Variants in VPS13C observed in about 807,000 individuals in gnomAD.
VPS13C encodes the protein intermembrane lipid transfer protein VPS13C.
Under a neutral mutation model 456.8 loss-of-function variants are expected in VPS13C, and 358 were observed. That is an observed-to-expected ratio of 0.78 (90% CI 0.72 to 0.86). The LOEUF (loss-of-function observed/expected upper bound fraction) is 0.86, where lower values mean the gene tolerates loss of function less well. Ranked by LOEUF, VPS13C falls within the 40% of genes least tolerant of loss-of-function variation. The probability of loss-of-function intolerance (pLI) is 0.00; values close to 1 mark genes in which losing one functional copy is unlikely to be tolerated. For missense variants in VPS13C, 4,818 were observed against 4,385.4 expected (o/e 1.10, Z -2.79); for synonymous variants, 1,578 against 1,486.7 (o/e 1.06, Z -1.41).
At chr15:61,863,781 T>G in intron 81 of VPS13C, 1 of 316,162 alleles carries the variant, frequency 3.2e-6, no homozygotes. Flanking sequence ...TACATTTTGT[T>G]CTGTAGTAAC....
chr15:61,921,807 A>G, intron 55 of VPS13C, 140 bp downstream of exon 55: 1 of 705,532 alleles, frequency 1.4e-6, no homozygotes, highest in Non-Finnish European at 2.3e-6. Flanking sequence ...TGACATATGA[A>G]AAGAGTTCTG....
At chr15:61,890,550 T>C (rs1266437138) in intron 66 of VPS13C, 150 bp from the exon 67 acceptor site, 10 of 705,386 alleles carry the variant, frequency 1.4e-5, no homozygotes, top group East Asian at 8.2e-5. Flanking sequence ...AATTAAGCTA[T>C]AATCTATTTT....
intron 29 of VPS13C, among the ~76,000 whole-genome samples, chr15:61,966,867 A>C (rs1344601): frequency 6.6e-6 from 1 of 151,712 alleles, no homozygotes; most frequent in African/African-American, 2.4e-5. Context: ...AGACATCCAA[A>C]AACACATCCA....
intron 45 of VPS13C, among the ~76,000 whole-genome samples, chr15:61,944,619 C>T (rs2044543583): frequency 6.6e-6 from 1 of 151,958 alleles, no homozygotes; most frequent in Non-Finnish European, 1.5e-5. Flanking sequence ...GAAAAAAAGA[C>T]ACTGCGGACT....
Position 61,936,750 on chromosome 15 carries a change from C to T in VPS13C, c.5602G>A (p.Val1868Ile). Residue 1868 changes from valine to isoleucine, a missense_variant and splice_region_variant, in exon 48 of 85, where the codon GTT becomes ATT. Val to Ile is a conservative substitution (Grantham distance 29). Transcript: ENST00000644861. ...EIKGKLKPMQVALSEDDLTVL... is the reference protein window; with the variant it reads ...EIKGKLKPMQIALSEDDLTVL... ...GTCAAGTCATCTTCACTGAGAGCAA[C>T]CTAGAAACCACCAATAATTTGTTAA... The T allele has an allele frequency of 6.3e-7, 1 of 1,597,984 alleles. No homozygotes were observed. The highest frequency in any genetic ancestry group is 8.5e-7 in the Non-Finnish European group (1 of 1,175,336).
At chr15:61,916,882 C>T (rs191818273) in intron 60 of VPS13C, among the ~76,000 whole-genome samples, 1 of 152,124 alleles carries the variant, frequency 6.6e-6, no homozygotes, top group African/African-American at 2.4e-5. Flanking sequence ...AATATTTTCT[C>T]ATTTTTTCCT....
intron 8 of VPS13C, among the ~76,000 whole-genome samples, chr15:62,023,203 G>A (rs967871576): frequency 6.6e-6 from 1 of 151,782 alleles, no homozygotes; most frequent in South Asian, 2.1e-4. Context: ...ATCAGCTTCA[G>A]AAAGGAACAC....
chr15:62,010,617 G>T lies in VPS13C; in HGVS notation c.884-18C>A, dbSNP rs2140506334. On this transcript the variant is annotated intron_variant, in intron 12 of 84. Transcript: ENST00000644861. ...CTGGAAAACTTACATCACATGGGAAGACATAAGATATGTTCATATGCTTTT... is the reference window on the plus strand; with the variant it reads ...CTGGAAAACTTACATCACATGGGAATACATAAGATATGTTCATATGCTTTT... 1.9e-6 allele frequency: 3 copies of T among 1,604,468 alleles called. No individual in the cohort carries two copies. The highest frequency in any genetic ancestry group is 3.4e-5 in the Admixed American group (2 of 58,132).
chr15:61,947,908 G>A (rs2044660609), intron 42 of VPS13C, among the ~76,000 whole-genome samples: 1 of 152,154 alleles, frequency 6.6e-6, no homozygotes. Flanking sequence ...GCACGCAGGT[G>A]TATGTGTGCA....
chr15:61,982,752 A>G (rs1192398101), intron 20 of VPS13C, among the ~76,000 whole-genome samples, 179 bp from the exon 21 acceptor site: 3 of 152,202 alleles, frequency 2.0e-5, no homozygotes, highest in Non-Finnish European at 4.4e-5. Context: ...GAAGAGCCTA[A>G]GCAAGCTTAC....
In VPS13C at chr15:62,023,767, T is replaced by C. The variant is rs368557387; in HGVS notation, c.514+13A>G. The C allele has an allele frequency of 5.6e-6, 9 of 1,605,680 alleles. No individual in the cohort carries two copies. Among genetic ancestry groups the C allele is most frequent in the Non-Finnish European group, 7.7e-6 (9 of 1,174,664 alleles). On this transcript the variant is annotated intron_variant, in intron 7 of 84. Coordinates refer to ENST00000644861, the MANE Select transcript of VPS13C (RefSeq NM_020821.3). ...TATAAACAACACCATGGCATAAAAC[T>C]ACTTTTACCTACCTTTTGAACGATC...
At position 61,874,077 on chromosome 15, in the gene VPS13C, C is replaced by T. The variant is rs138507345; in HGVS notation, c.10415-668G>A. 9.2e-3 allele frequency among the ~76,000 whole-genome samples: 1,402 copies of T among 151,918 alleles called. 43 individuals are homozygous for T. Among genetic ancestry groups the T allele is most frequent in the Non-Finnish European group, 8.1e-3 (549 of 67,934 alleles). On this transcript the variant is annotated intron_variant, in intron 77 of 84. Coordinates refer to ENST00000644861, the MANE Select transcript of VPS13C (RefSeq NM_020821.3). ...ATTATGTTAAGTGAAATAAGTCTGG[C>T]ACAGAAAAACAAATACTGCATGTTC... is the stretch of plus-strand genomic sequence containing the variant.
At chr15:61,890,123 C>T (rs1203205174) in intron 67 of VPS13C, 42 bp downstream of exon 67, 1 of 1,584,636 alleles carries the variant, frequency 6.3e-7, no homozygotes, top group Non-Finnish European at 8.6e-7. Context: ...GAACTTAATG[C>T]CTTTTAAAGG....
At chr15:62,034,351 T>C (rs2047914375) in intron 4 of VPS13C, among the ~76,000 whole-genome samples, 1 of 151,726 alleles carries the variant, frequency 6.6e-6, no homozygotes, top group Non-Finnish European at 1.5e-5. Flanking sequence ...ATTTTATTTG[T>C]ACAATGGTTA....
At position 62,041,332 on chromosome 15, in the gene VPS13C, C is replaced by T; in HGVS notation, c.179G>A (p.Gly60Asp). ...ELDVPFKVKA[G>D]QIDKLTLKIP... ...AAGACTAAAGTACTTACCAATTTGG[C>T]CAGCCTTGACTTTAAAAGGAACATC... Residue 60 changes from glycine (G) to aspartate (D), a missense_variant, in exon 3 of 85, where the codon GGC becomes GAC. Gly to Asp is a moderately conservative substitution (Grantham distance 94). Transcript: ENST00000644861. 1 of 1,606,328 alleles carries T rather than the reference C, an allele frequency of 6.2e-7. No individual in the cohort carries two copies. The highest frequency in any genetic ancestry group is 8.5e-7 in the Non-Finnish European group (1 of 1,177,956).
At chr15:61,941,438 CA>C (rs2044421851) in intron 46 of VPS13C, among the ~76,000 whole-genome samples, 1 of 151,196 alleles carries the variant, frequency 6.6e-6, no homozygotes, top group Non-Finnish European at 1.5e-5. Flanking sequence ...TTTTTCCCAC[CA>C]AAAATAAAAA....
intron 5 of VPS13C, among the ~76,000 whole-genome samples, chr15:62,031,759 G>C (rs2047828219): frequency 6.6e-6 from 1 of 151,876 alleles, no homozygotes; most frequent in African/African-American, 2.4e-5. Flanking sequence ...TACTACAGAT[G>C]TACATCCTTT....
chr15:61,865,766 GTGTGTATATATGTA>G, intron 81 of VPS13C: 1 of 633,144 alleles, frequency 1.6e-6, no homozygotes, highest in Non-Finnish European at 1.9e-6. Context: ...ATATATGTAC[GTGTGTATATATGTA>G]TGTGTATATA....
chr15:61,911,458 C>T (rs904663429), intron 63 of VPS13C, among the ~76,000 whole-genome samples: 1 of 152,162 alleles, frequency 6.6e-6, no homozygotes, highest in Non-Finnish European at 1.5e-5. Flanking sequence ...CCACCTATAA[C>T]TTAGGATGTG....
Sources: allele counts gnomAD v4.1 joint callset (sites outside exome capture counted in the v4.1 genomes callset), GRCh38; gene constraint gnomAD v4.1.1; transcripts MANE v1.5; gene names NCBI Gene and HGNC (gene_info 2026-07-23, HGNC 2026-07-21).